GPC5: variants seen among roughly 807,000 people sequenced by gnomAD.
GPC5 encodes glypican-5.
In GPC5, 47 loss-of-function variants were observed where a neutral mutation model predicts 53.9. That is an observed-to-expected ratio of 0.87 (90% confidence interval 0.69 to 1.11). GPC5 has a LOEUF of 1.11. Among genes scored for constraint, GPC5 ranks in the 50% most tolerant of loss-of-function variants. The pLI is 0.00. For missense variants in GPC5, 748 were observed against 713.1 expected, an observed-to-expected ratio of 1.05 and a Z score of -0.56; for synonymous variants, 286 against 263.3, an observed-to-expected ratio of 1.09 and a Z score of -0.84.
At chr13:92,712,842 A>G (rs548579005) in intron 7 of GPC5, among the ~76,000 whole-genome samples, 53 of 152,302 alleles carry the variant, frequency 3.5e-4, no homozygotes, top group Middle Eastern at 3.4e-3. Flanking sequence ...TGTCCTTATA[A>G]GAAATTAGTA....
chr13:91,638,169 CCAGGTGGA>C (rs2139465246), intron 2 of GPC5, among the ~76,000 whole-genome samples: 1 of 152,264 alleles, frequency 6.6e-6, no homozygotes, highest in African/African-American at 2.4e-5. Flanking sequence ...CACCTAGAAA[CCAGGTGGA>C]CAGTGGTGTA....
Position 92,740,896 on chromosome 13 carries a change from TTATATATATA to T in GPC5, c.1562-125372_1562-125363del, listed in dbSNP as rs59036154. 0.025 allele frequency among the ~76,000 whole-genome samples: 3,332 copies of T among 134,872 alleles called. 306 individuals are homozygous for T. The East Asian group carries it at 0.29, about 12-fold the overall frequency. 88.5% of individuals were successfully genotyped at this position (134,872 alleles called of 152,430 possible). A position where few individuals can be genotyped will look rare whatever the true frequency, so the allele number is the denominator to read the frequency against. ...TATGTATGTATGTATATTTATTTAT[TTATATATATA>T]TATATATATATATGTGCATATGTAT... On this transcript the variant is annotated intron_variant, in intron 7 of 7. Transcript: ENST00000377067.
chr13:92,085,315 T>C (rs929366329), intron 6 of GPC5, among the ~76,000 whole-genome samples: 4 of 152,172 alleles, frequency 2.6e-5, no homozygotes, highest in African/African-American at 9.7e-5. Flanking sequence ...ATAAGGGAAA[T>C]GTATAGGGCA....
chr13:91,966,223 T>A (rs912888876), intron 6 of GPC5, among the ~76,000 whole-genome samples: 1 of 152,296 alleles, frequency 6.6e-6, no homozygotes, highest in East Asian at 1.9e-4. Context: ...AAATTATTAA[T>A]ACAGAACAAC....
chr13:91,865,727 TCTC>T (rs2039076233), intron 5 of GPC5, among the ~76,000 whole-genome samples: 1 of 152,254 alleles, frequency 6.6e-6, no homozygotes, highest in African/African-American at 2.4e-5. Flanking sequence ...TCTTATTCTC[TCTC>T]CTCATTTCTC....
chr13:91,649,456 A>G (rs57977827), intron 2 of GPC5, among the ~76,000 whole-genome samples: 9,819 of 152,142 alleles, frequency 0.065, 1,048 homozygotes, highest in African/African-American at 0.22. Flanking sequence ...CAGGCTATAG[A>G]AAGTGCTGAG....
chr13:92,368,015 C>T (rs2043619681), intron 7 of GPC5, among the ~76,000 whole-genome samples: 1 of 152,076 alleles, frequency 6.6e-6, no homozygotes, highest in Non-Finnish European at 1.5e-5. Context: ...GGCAGAGTTT[C>T]ACTCTGTCAC....
chr13:92,694,652 T>G (rs1261840944), intron 7 of GPC5, among the ~76,000 whole-genome samples: 1 of 152,198 alleles, frequency 6.6e-6, no homozygotes, highest in Non-Finnish European at 1.5e-5. Flanking sequence ...GTAACTAATT[T>G]GTGTTTGATT....
At chr13:92,011,825 A>G (rs1053258952) in intron 6 of GPC5, among the ~76,000 whole-genome samples, 27 of 152,222 alleles carry the variant, frequency 1.8e-4, no homozygotes, top group Admixed American at 7.2e-4. Context: ...GATTTTACAA[A>G]TTGAGTGGAC....
At chr13:92,443,115 G>T (rs964075377) in intron 7 of GPC5, among the ~76,000 whole-genome samples, 2 of 152,168 alleles carry the variant, frequency 1.3e-5, no homozygotes, top group Non-Finnish European at 2.9e-5. Context: ...AATCATGATG[G>T]AAGGAGAAGG....
intron 7 of GPC5, among the ~76,000 whole-genome samples, chr13:92,542,913 T>C (rs1287773484): frequency 6.6e-6 from 1 of 152,072 alleles, no homozygotes; most frequent in African/African-American, 2.4e-5. Context: ...TTTTTAGAAT[T>C]CTCTTTTTGT....
At chr13:91,409,321 G>A (rs1466904800) in intron 1 of GPC5, among the ~76,000 whole-genome samples, 1 of 152,092 alleles carries the variant, frequency 6.6e-6, no homozygotes, top group African/African-American at 2.4e-5. Flanking sequence ...AAGGGAATAA[G>A]AAAAACATGG....
At chr13:91,404,224 G>C (rs1877156912) in intron 1 of GPC5, among the ~76,000 whole-genome samples, 1 of 152,042 alleles carries the variant, frequency 6.6e-6, no homozygotes, top group African/African-American at 2.4e-5. Flanking sequence ...TTCTTTTATA[G>C]TTACCTGGTA....
At chr13:92,484,861 A>T (rs1011965206) in intron 7 of GPC5, among the ~76,000 whole-genome samples, 4 of 151,882 alleles carry the variant, frequency 2.6e-5, no homozygotes, top group Non-Finnish European at 5.9e-5. Flanking sequence ...CAGCCTCCCG[A>T]GTAGCTGGGA....
chr13:91,870,367 G>A (rs1270744197), intron 5 of GPC5, among the ~76,000 whole-genome samples: 2 of 152,194 alleles, frequency 1.3e-5, no homozygotes, highest in African/African-American at 4.8e-5. Context: ...GTCTGCAAGA[G>A]TGAAGCATGG....
intron 7 of GPC5, among the ~76,000 whole-genome samples, chr13:92,251,237 G>A (rs1249705569): frequency 4.6e-5 from 7 of 152,072 alleles, no homozygotes; most frequent in African/African-American, 7.2e-5. Flanking sequence ...GGTATGTGGT[G>A]TATCAAAAGA....
At chr13:91,508,312 T>C (rs182189789) in intron 2 of GPC5, among the ~76,000 whole-genome samples, 2 of 152,304 alleles carry the variant, frequency 1.3e-5, no homozygotes, top group East Asian at 3.9e-4. Context: ...TAGATATTAT[T>C]TCCCAGGCCC....
chr13:91,764,406 C>T (rs913323539), intron 5 of GPC5, among the ~76,000 whole-genome samples: 1 of 152,182 alleles, frequency 6.6e-6, no homozygotes. Context: ...TCATTACATT[C>T]AGAAAGCCAG....
intron 2 of GPC5, among the ~76,000 whole-genome samples, chr13:91,560,048 A>G (rs774902762): frequency 7.8e-5 from 11 of 140,606 alleles, no homozygotes; most frequent in Non-Finnish European, 1.7e-4. Flanking sequence ...CTTATTAGAG[A>G]GTCCAGATAT....
Sources: gnomAD v4.1 joint callset for allele counts (sites outside exome capture counted in the v4.1 genomes callset) on GRCh38, gnomAD v4.1.1 for gene constraint, MANE v1.5 for transcripts, NCBI Gene and HGNC (gene_info 2026-07-23, HGNC 2026-07-21) for gene names.